Variants in MAGI2 observed in about 807,000 individuals in gnomAD.
The protein encoded by MAGI2 is membrane-associated guanylate kinase, WW and PDZ domain-containing protein 2.
In MAGI2, 35 loss-of-function variants were observed where a neutral mutation model predicts 133.3. That is an observed-to-expected ratio of 0.26 (90% CI 0.20 to 0.35). The LOEUF is 0.35. MAGI2 is among the 10% of genes least tolerant of loss of function. The probability of loss-of-function intolerance (pLI) is 1.00; values close to 1 mark genes in which losing one functional copy is unlikely to be tolerated. For missense variants in MAGI2, 1,636 were observed against 1,863.4 expected (o/e 0.88, Z 2.25); for synonymous variants, 729 against 710.6 (o/e 1.03, Z -0.41).
intron 2 of MAGI2, among the ~76,000 whole-genome samples, chr7:78,792,397 T>C (rs1787237483): frequency 6.6e-6 from 1 of 152,230 alleles, no homozygotes; most frequent in South Asian, 2.1e-4. Flanking sequence ...AGCCGCACTT[T>C]TTATTAGCAA....
chr7:78,310,391 C>T (rs1005614688), intron 9 of MAGI2, among the ~76,000 whole-genome samples: 13 of 152,194 alleles, frequency 8.5e-5, no homozygotes, highest in South Asian at 2.1e-4. Flanking sequence ...GCTGAGATCA[C>T]GTCACTGCAC....
chr7:78,768,973 T>C (rs1825306910), intron 2 of MAGI2, among the ~76,000 whole-genome samples: 1 of 152,048 alleles, frequency 6.6e-6, no homozygotes, highest in African/African-American at 2.4e-5. Flanking sequence ...AAACCAGAGC[T>C]CTCTGCTAAA....
At chr7:78,688,601 G>A (rs907452828) in intron 2 of MAGI2, among the ~76,000 whole-genome samples, 4 of 152,158 alleles carry the variant, frequency 2.6e-5, no homozygotes, top group Admixed American at 2.0e-4. Context: ...CTTAATCCTT[G>A]TGGTTCACAG....
chr7:78,067,087 C>T (rs150681387), intron 21 of MAGI2, among the ~76,000 whole-genome samples: 4 of 152,300 alleles, frequency 2.6e-5, no homozygotes, highest in African/African-American at 9.6e-5. Flanking sequence ...AAAGTAGAAC[C>T]TCTGGAGGGT....
intron 2 of MAGI2, among the ~76,000 whole-genome samples, chr7:78,974,722 C>A (rs1421731444): frequency 1.3e-5 from 2 of 151,678 alleles, no homozygotes; most frequent in African/African-American, 2.4e-5. Flanking sequence ...GACATCTAAT[C>A]CTTATTAATC....
intron 1 of MAGI2, among the ~76,000 whole-genome samples, chr7:79,270,949 T>C (rs1314909389): frequency 5.9e-5 from 9 of 152,128 alleles, no homozygotes; most frequent in Non-Finnish European, 1.0e-4. Context: ...TTCAATAATA[T>C]TACACTATCT....
intron 3 of MAGI2, among the ~76,000 whole-genome samples, chr7:78,572,348 C>T (rs1801588033): frequency 6.6e-6 from 1 of 152,088 alleles, no homozygotes; most frequent in South Asian, 2.1e-4. Context: ...TTAACACTCT[C>T]ATCAAGTAAG....
Position 78,899,601 on chromosome 7 carries a change from T to C in MAGI2, c.418+107489A>G, listed in dbSNP as rs182871258. 5.3e-5 allele frequency among the ~76,000 whole-genome samples: 8 copies of C among 152,236 alleles called. No homozygotes were observed. In the East Asian group the frequency reaches 1.4e-3, roughly 26 times the overall value. On this transcript the variant is annotated intron_variant, in intron 2 of 21. Coordinates refer to ENST00000354212, the MANE Select transcript of MAGI2 (RefSeq NM_012301.4). ...TGTTGGGGGTTTAAATGATATAATGTGTGTACTGCAGAGGTTGTCAAACCT... is the reference window on the plus strand; with the variant it reads ...TGTTGGGGGTTTAAATGATATAATGCGTGTACTGCAGAGGTTGTCAAACCT...
intron 14 of MAGI2, among the ~76,000 whole-genome samples, chr7:78,177,146 G>A (rs1464591632): frequency 6.6e-6 from 1 of 151,940 alleles, no homozygotes; most frequent in Non-Finnish European, 1.5e-5. Flanking sequence ...TGAGAAAGCT[G>A]AGGCTTAAGA....
chr7:79,306,296 T>C (rs1442961347), intron 1 of MAGI2, among the ~76,000 whole-genome samples: 2 of 145,720 alleles, frequency 1.4e-5, no homozygotes, highest in Non-Finnish European at 3.0e-5. Context: ...ATATATTATT[T>C]ATATGCATAT....
intron 9 of MAGI2, among the ~76,000 whole-genome samples, chr7:78,280,876 A>T (rs1795502196): frequency 6.6e-6 from 1 of 151,052 alleles, no homozygotes; most frequent in African/African-American, 2.4e-5. Context: ...AAAAAAAAAA[A>T]TTGAAAAGCA....
chr7:79,194,226 A>C (rs914991980), intron 1 of MAGI2, among the ~76,000 whole-genome samples: 5 of 152,006 alleles, frequency 3.3e-5, no homozygotes, highest in Admixed American at 6.6e-5. Context: ...AAAGCTATAA[A>C]GGTATTATCC....
chr7:78,204,192 T>G (rs1206568332), intron 10 of MAGI2, among the ~76,000 whole-genome samples: 1 of 152,228 alleles, frequency 6.6e-6, no homozygotes, highest in Non-Finnish European at 1.5e-5. Context: ...ATAATAATTA[T>G]GGAATAATTT....
chr7:79,326,061 A>C (rs767402288), intron 1 of MAGI2, among the ~76,000 whole-genome samples: 3 of 152,156 alleles, frequency 2.0e-5, no homozygotes, highest in African/African-American at 7.2e-5. Flanking sequence ...AAAAACATTC[A>C]CACACACATA....
chr7:79,265,189 C>T (rs566893583), intron 1 of MAGI2, among the ~76,000 whole-genome samples: 1 of 152,254 alleles, frequency 6.6e-6, no homozygotes, highest in East Asian at 1.9e-4. Context: ...CCATCATCAC[C>T]TGAGAACTTG....
intron 2 of MAGI2, among the ~76,000 whole-genome samples, chr7:78,783,311 A>T (rs999994746): frequency 6.6e-6 from 1 of 152,134 alleles, no homozygotes; most frequent in African/African-American, 2.4e-5. Context: ...AACAACTTTT[A>T]ATGCTAAAAT....
intron 1 of MAGI2, among the ~76,000 whole-genome samples, chr7:79,096,123 T>C (rs1817491108): frequency 2.0e-5 from 3 of 152,222 alleles, no homozygotes; most frequent in Admixed American, 2.0e-4. Context: ...GAGCCTGACC[T>C]CTGAATATGG....
In MAGI2 at chr7:79,191,402, C is replaced by CTTTTTTTTTTTTT. The variant is rs71095386; in HGVS notation, c.302-184209_302-184197dup. The stretch of plus-strand genomic sequence containing the variant: ...TCTTTTTTTCTTTTTCTTTTTCTTT[C>CTTTTTTTTTTTTT]TTTTTTTTTTTTTTTTTTTTTTTTT... On this transcript the variant is annotated intron_variant, in intron 1 of 21. Coordinates refer to ENST00000354212, the MANE Select transcript of MAGI2 (RefSeq NM_012301.4). Among the ~76,000 whole-genome samples the CTTTTTTTTTTTTT allele has an allele frequency of 1.4e-3, 31 of 22,334 alleles. 7 individuals carry two copies. The highest frequency in any genetic ancestry group is 6.1e-3 in the East Asian group (4 of 656). 14.7% of individuals were successfully genotyped at this position (22,334 alleles called of 152,430 possible).
chr7:79,282,692 C>T (rs1366035240), intron 1 of MAGI2, among the ~76,000 whole-genome samples: 1 of 151,986 alleles, frequency 6.6e-6, no homozygotes, highest in Non-Finnish European at 1.5e-5. Flanking sequence ...AAACGTTGGG[C>T]AAGGTGGCTT....
Sources: gnomAD v4.1 joint callset for allele counts (sites outside exome capture counted in the v4.1 genomes callset) on GRCh38, gnomAD v4.1.1 for gene constraint, MANE v1.5 for transcripts, NCBI Gene and HGNC (gene_info 2026-07-23, HGNC 2026-07-21) for gene names.